Variants in LARGE1 observed in about 807,000 individuals in gnomAD.
LARGE1 encodes the protein xylosyl- and glucuronyltransferase LARGE1.
In LARGE1, 43 loss-of-function variants were observed where a neutral mutation model predicts 87.6. The ratio of observed to expected loss-of-function variants is 0.49; its 90% CI spans 0.38 to 0.63. LARGE1 has a LOEUF of 0.63. Ranked by LOEUF, LARGE1 falls within the 30% of genes least tolerant of loss-of-function variation. The probability of loss-of-function intolerance (pLI) is 0.00; values close to 1 mark genes in which losing one functional copy is unlikely to be tolerated. For missense variants in LARGE1, 802 were observed against 1,000.2 expected (o/e 0.80, Z 2.67); for synonymous variants, 434 against 394.6 (o/e 1.10, Z -1.18).
intron 11 of LARGE1, among the ~76,000 whole-genome samples, chr22:33,170,658 C>T (rs528871441): frequency 2.6e-5 from 4 of 152,302 alleles, no homozygotes; most frequent in African/African-American, 9.6e-5. Context: ...TTGCCTTCTG[C>T]CATGAGTGTG....
At chr22:33,395,846 G>A (rs1448856945) in intron 7 of LARGE1, among the ~76,000 whole-genome samples, 1 of 152,240 alleles carries the variant, frequency 6.6e-6, no homozygotes, top group Non-Finnish European at 1.5e-5. Context: ...TTAAATAAGT[G>A]TAGGAGATGA....
At chr22:33,664,183 C>G (rs5999047) in intron 2 of LARGE1, among the ~76,000 whole-genome samples, 3,951 of 152,300 alleles carry the variant, frequency 0.026, 188 homozygotes, top group African/African-American at 0.091. Flanking sequence ...CGTGGCCATT[C>G]CTACACAGCC....
chr22:33,432,101 G>T, intron 7 of LARGE1, 60 bp downstream of exon 7: 2 of 1,335,798 alleles, frequency 1.5e-6, no homozygotes, highest in Non-Finnish European at 1.1e-6. Context: ...TCCTGCGGAA[G>T]GAGCACTGGG....
intron 9 of LARGE1, among the ~76,000 whole-genome samples, chr22:33,365,836 G>A (rs145380755): frequency 7.7e-4 from 117 of 152,164 alleles, no homozygotes; most frequent in African/African-American, 2.6e-3. Flanking sequence ...GGCTGGTATC[G>A]AACTCCTGAG....
chr22:33,341,657 G>A (rs1601520090), intron 9 of LARGE1, among the ~76,000 whole-genome samples: 1 of 152,112 alleles, frequency 6.6e-6, no homozygotes. Flanking sequence ...AACCAACAAC[G>A]AATGATACAG....
the LARGE1 span, among the ~76,000 whole-genome samples, chr22:33,082,280 C>A: frequency 0.38 from 57,479 of 152,000 alleles, 11,050 homozygotes; most frequent in African/African-American, 0.43. Context: ...AGCTTCAATT[C>A]TATCTACATG....
chr22:33,441,071 C>CTTTTTTTTTTTTTTT lies in LARGE1; in HGVS notation c.788-8821_788-8807dup, dbSNP rs35976426. Reference sequence around the variant, plus strand: ...CTCAGCTGCTGCTATTTTGTTTGAACTTTTTTTTTTTTTTTTTTTTGAGAG... The same window carrying CTTTTTTTTTTTTTTT: ...CTCAGCTGCTGCTATTTTGTTTGAACTTTTTTTTTTTTTTTTTTTTTTTTTTTTTTTTTTTGAGAG... On this transcript the variant is annotated intron_variant, in intron 6 of 14. Coordinates refer to ENST00000397394, the MANE Select transcript of LARGE1 (RefSeq NM_133642.5). 4.3e-3 allele frequency among the ~76,000 whole-genome samples: 421 copies of CTTTTTTTTTTTTTTT among 98,480 alleles called. 42 individuals carry two copies. The highest frequency in any genetic ancestry group is 0.018 in the African/African-American group (367 of 20,358). 64.6% of individuals were successfully genotyped at this position (98,480 alleles called of 152,430 possible).
At chr22:33,693,844 A>G (rs78668723) in intron 2 of LARGE1, among the ~76,000 whole-genome samples, 1,897 of 152,224 alleles carry the variant, frequency 0.012, 34 homozygotes, top group African/African-American at 0.043. Flanking sequence ...AGAAAAAAAA[A>G]AGAGAGAGAA....
chr22:33,482,272 T>C (rs1486267027), intron 6 of LARGE1, among the ~76,000 whole-genome samples: 2 of 152,216 alleles, frequency 1.3e-5, no homozygotes, highest in Non-Finnish European at 2.9e-5. Context: ...GTGATGGCTA[T>C]AATATTAGCA....
intron 11 of LARGE1, among the ~76,000 whole-genome samples, chr22:33,199,636 T>A (rs1404319672): frequency 6.6e-6 from 1 of 152,188 alleles, no homozygotes; most frequent in Non-Finnish European, 1.5e-5. Context: ...AGCATATATA[T>A]TTTTTGACTT....
At chr22:33,296,809 T>A (rs1933339533) in intron 12 of LARGE1, among the ~76,000 whole-genome samples, 1 of 152,186 alleles carries the variant, frequency 6.6e-6, no homozygotes, top group Admixed American at 6.5e-5. Flanking sequence ...CCTCAGGTGA[T>A]CTGCCCACCT....
In LARGE1 at chr22:33,697,549, C is replaced by CA. The variant is rs3072289; in HGVS notation, c.107-46882dup. On this transcript the variant is annotated intron_variant, in intron 2 of 14. Coordinates refer to ENST00000397394, the MANE Select transcript of LARGE1 (RefSeq NM_133642.5). ...CTGGCGACAAAGCTAGACTCTGTCC[C>CA]AAAAAAAAAAAAAAAAAAAAAGGAA... is the stretch of plus-strand genomic sequence containing the variant. Among the ~76,000 whole-genome samples the CA allele has an allele frequency of 8.1e-3, 436 of 54,110 alleles. 8 individuals carry two copies. Among genetic ancestry groups the CA allele is most frequent in the East Asian group, 0.03 (47 of 1,574 alleles). 35.5% of individuals were successfully genotyped at this position (54,110 alleles called of 152,430 possible).
At chr22:33,594,388 G>A (rs1400617408) in intron 5 of LARGE1, among the ~76,000 whole-genome samples, 2 of 152,092 alleles carry the variant, frequency 1.3e-5, no homozygotes, top group Non-Finnish European at 2.9e-5. Context: ...GGGCCTCATC[G>A]AAAATACCAA....
chr22:33,404,294 C>T (rs1023499977), intron 7 of LARGE1, among the ~76,000 whole-genome samples: 4 of 152,188 alleles, frequency 2.6e-5, no homozygotes, highest in Non-Finnish European at 5.9e-5. Context: ...TGCAAAGGCC[C>T]TTAAGCCAGC....
rs141051627 is a variant in LARGE1 at position 33,386,869 on chromosome 22, A to T, written c.893-2565T>A. 2.8e-3 allele frequency among the ~76,000 whole-genome samples: 424 copies of T among 148,960 alleles called. 26 individuals carry two copies. Among genetic ancestry groups the T allele is most frequent in the African/African-American group, 9.8e-3 (402 of 41,116 alleles). On this transcript the variant is annotated intron_variant, in intron 7 of 14. Transcript: ENST00000397394. ...GTGACCCCAGCACTTTGGGAGGCCAAGGTGGGTGGATCACTTGAGGTCAGG... is the reference window on the plus strand; with the variant it reads ...GTGACCCCAGCACTTTGGGAGGCCATGGTGGGTGGATCACTTGAGGTCAGG...
chr22:33,281,804 A>C (rs1397528317), intron 13 of LARGE1, among the ~76,000 whole-genome samples: 3 of 152,162 alleles, frequency 2.0e-5, no homozygotes, highest in Non-Finnish European at 4.4e-5. Flanking sequence ...ATCTGTATAA[A>C]ATGTGAAAAA....
chr22:33,902,297 G>A (rs1026064420), intron 1 of LARGE1, among the ~76,000 whole-genome samples: 1 of 152,214 alleles, frequency 6.6e-6, no homozygotes. Flanking sequence ...CCAGTGGGAA[G>A]AATAGGATGA....
At chr22:33,286,576 G>A (rs547526097) in intron 12 of LARGE1, among the ~76,000 whole-genome samples, 3 of 152,252 alleles carry the variant, frequency 2.0e-5, no homozygotes, top group Non-Finnish European at 2.9e-5. Context: ...TCATATAAAC[G>A]TCTCGAGATG....
At chr22:33,088,727 G>C in the LARGE1 span, among the ~76,000 whole-genome samples, 1 of 152,162 alleles carries the variant, frequency 6.6e-6, no homozygotes, top group East Asian at 1.9e-4. Flanking sequence ...TAATAGTTAA[G>C]AGTACAGGCT....
Sources: allele counts gnomAD v4.1 joint callset (sites outside exome capture counted in the v4.1 genomes callset), GRCh38; gene constraint gnomAD v4.1.1; transcripts MANE v1.5; gene names NCBI Gene and HGNC (gene_info 2026-07-23, HGNC 2026-07-21).